Variants in SLC71A2 observed in about 807,000 individuals in gnomAD.
The protein encoded by SLC71A2 is solute carrier family 71 member 2, also known as hippocampus abundant transcript-like 1.
chr9:94,424,284 G>C, the SLC71A2 span, among the ~76,000 whole-genome samples: 1 of 152,114 alleles, frequency 6.6e-6, no homozygotes, highest in Admixed American at 6.6e-5. Context: ...ACCCAGGCTG[G>C]AGTGCAGTGG....
At chr9:94,444,521 C>T in the SLC71A2 span, among the ~76,000 whole-genome samples, 1 of 152,152 alleles carries the variant, frequency 6.6e-6, no homozygotes, top group Non-Finnish European at 1.5e-5. Flanking sequence ...AAGATTAAAT[C>T]AAGCACAGTA....
chr9:94,460,641 TA>T, the SLC71A2 span: 1 of 152,346 alleles, frequency 6.6e-6, no homozygotes, highest in Non-Finnish European at 1.5e-5. Context: ...TTGAAAGTTT[TA>T]TAGGTATGAA....
the SLC71A2 span, chr9:94,459,274 C>G: frequency 6.2e-7 from 1 of 1,614,016 alleles, no homozygotes; most frequent in South Asian, 1.1e-5. Flanking sequence ...TTCAAAAACA[C>G]AGTAACAGCA....
the SLC71A2 span, among the ~76,000 whole-genome samples, chr9:94,453,760 G>T: frequency 6.8e-4 from 104 of 152,300 alleles, no homozygotes; most frequent in African/African-American, 2.4e-3. Flanking sequence ...AAAGCATTGA[G>T]CCCCAGGTCA....
chr9:94,385,485 A>G, the SLC71A2 span, among the ~76,000 whole-genome samples: 10 of 152,264 alleles, frequency 6.6e-5, no homozygotes, highest in African/African-American at 2.4e-4. Flanking sequence ...TCCAAGATTT[A>G]TCTCTTTTAT....
chr9:94,456,205 C>CCTGCT, the SLC71A2 span: 1 of 1,529,848 alleles, frequency 6.5e-7, no homozygotes, highest in East Asian at 2.3e-5. Context: ...TTGAGGTTGA[C>CCTGCT]CTGCTGCCTG....
chr9:94,417,950 G>T, the SLC71A2 span, among the ~76,000 whole-genome samples: 1 of 135,390 alleles, frequency 7.4e-6, no homozygotes, highest in Non-Finnish European at 1.5e-5. Context: ...TCCGCCTCCC[G>T]GGTTCAAGCA....
At chr9:94,438,259 A>G in the SLC71A2 span, 1 of 1,159,670 alleles carries the variant, frequency 8.6e-7, no homozygotes, top group Non-Finnish European at 1.2e-6. Flanking sequence ...TTTTAGTTGT[A>G]GTTTGTATTT....
At chr9:94,447,526 T>C in the SLC71A2 span, among the ~76,000 whole-genome samples, 2 of 151,274 alleles carry the variant, frequency 1.3e-5, no homozygotes, top group African/African-American at 4.9e-5. Context: ...TCTAGAACAG[T>C]TTTAGGTTCA....
chr9:94,417,874 C>A, the SLC71A2 span, among the ~76,000 whole-genome samples: 1 of 75,258 alleles, frequency 1.3e-5, no homozygotes, highest in Non-Finnish European at 2.6e-5. Flanking sequence ...CCCCCCCCCC[C>A]CCGACAGAGT....
chr9:94,456,122 T>A, the SLC71A2 span: 1 of 613,194 alleles, frequency 1.6e-6, no homozygotes, highest in Non-Finnish European at 2.7e-6. Context: ...GAGGAAAAAA[T>A]AAATAAAATG....
At chr9:94,459,274 C>T in the SLC71A2 span, 9 of 1,614,016 alleles carry the variant, frequency 5.6e-6, no homozygotes, top group East Asian at 1.8e-4. Flanking sequence ...TTCAAAAACA[C>T]AGTAACAGCA....
At chr9:94,459,685 A>G in the SLC71A2 span, 1 of 364,064 alleles carries the variant, frequency 2.7e-6, no homozygotes, top group Non-Finnish European at 5.0e-6. Context: ...TGAAACTCAA[A>G]TAGAAAAAGT....
the SLC71A2 span, among the ~76,000 whole-genome samples, chr9:94,447,599 G>A: frequency 2.0e-5 from 3 of 151,050 alleles, no homozygotes; most frequent in Non-Finnish European, 4.4e-5. Context: ...TACATGCATA[G>A]CCTCCTCCAC....
chr9:94,461,035 C>CA, the SLC71A2 span: 2 of 151,834 alleles, frequency 1.3e-5, no homozygotes, highest in South Asian at 2.1e-4. Flanking sequence ...TATGTATTTT[C>CA]AAAAAAATTT....
At chr9:94,381,846 T>G in the SLC71A2 span, among the ~76,000 whole-genome samples, 1 of 152,174 alleles carries the variant, frequency 6.6e-6, no homozygotes, top group Non-Finnish European at 1.5e-5. Flanking sequence ...AACTAATTAT[T>G]TTAAAAGTAA....
the SLC71A2 span, among the ~76,000 whole-genome samples, chr9:94,427,315 GA>G: frequency 3.3e-5 from 5 of 152,096 alleles, no homozygotes; most frequent in African/African-American, 1.2e-4. Context: ...GAAAACAGTA[GA>G]AAAGTTTTTA....
the SLC71A2 span, among the ~76,000 whole-genome samples, chr9:94,407,353 T>C: frequency 1.3e-5 from 2 of 151,966 alleles, no homozygotes; most frequent in Non-Finnish European, 2.9e-5. Flanking sequence ...TGCATCAATG[T>C]GCATAAGGAA....
the SLC71A2 span, among the ~76,000 whole-genome samples, chr9:94,390,592 G>A: frequency 6.6e-6 from 1 of 152,154 alleles, no homozygotes; most frequent in Non-Finnish European, 1.5e-5. Context: ...GGGCTACCCA[G>A]TATGATATGC....
Sources: allele counts gnomAD v4.1 joint callset (sites outside exome capture counted in the v4.1 genomes callset), GRCh38; gene constraint gnomAD v4.1.1; transcripts MANE v1.5; gene names NCBI Gene and HGNC (gene_info 2026-07-23, HGNC 2026-07-21).